Variants in ADAM22 observed in about 807,000 individuals in gnomAD.
The protein encoded by ADAM22 is ADAM metallopeptidase domain 22.
A neutral mutation model predicts 144.6 loss-of-function variants in ADAM22; 65 were observed. The observed-to-expected ratio is 0.45, with a 90% CI of 0.37 to 0.55. ADAM22 has a LOEUF of 0.55. Ranked by LOEUF, ADAM22 falls within the 20% of genes least tolerant of loss-of-function variation. The pLI is 0.00. For synonymous variants in ADAM22, 391 were observed against 412.6 expected (o/e 0.95, Z 0.63); for missense variants, 974 against 1,184.9 (o/e 0.82, Z 2.61).
chr7:87,934,959 G>T, intron 1 of ADAM22, 67 bp from the exon 2 acceptor site: 1 of 1,603,994 alleles, frequency 6.2e-7, no homozygotes, highest in African/African-American at 1.3e-5. Context: ...GGATGGAGGA[G>T]TGAGGGTCAG....
intron 18 of ADAM22, 65 bp downstream of exon 18, chr7:88,149,122 C>A: frequency 1.8e-6 from 2 of 1,081,768 alleles, no homozygotes; most frequent in Non-Finnish European, 1.4e-6. Context: ...AGTGCACTGA[C>A]CCTCAAAGAG....
chr7:88,004,630 A>G (rs1461276965), intron 3 of ADAM22, among the ~76,000 whole-genome samples: 2 of 152,232 alleles, frequency 1.3e-5, no homozygotes, highest in African/African-American at 4.8e-5. Context: ...ACTGAGATTC[A>G]GAAAGAGACA....
chr7:88,145,227 C>G (rs1379091997), intron 16 of ADAM22, 31 bp downstream of exon 16: 1 of 1,610,086 alleles, frequency 6.2e-7, no homozygotes, highest in African/African-American at 1.3e-5. Context: ...ATGATATTTT[C>G]TAGGTAATTC....
At chr7:88,078,669 A>C (rs1298698544) in intron 4 of ADAM22, among the ~76,000 whole-genome samples, 3 of 152,266 alleles carry the variant, frequency 2.0e-5, no homozygotes, top group African/African-American at 2.4e-5. Context: ...GATGGAGCTG[A>C]AAACCATGGC....
chr7:88,133,022 A>C, intron 12 of ADAM22, 71 bp downstream of exon 12: 1 of 1,378,178 alleles, frequency 7.3e-7, no homozygotes, highest in African/African-American at 1.4e-5. Context: ...CTTAAGAGAT[A>C]ATTTCTCAGT....
chr7:88,143,216 G>C, intron 15 of ADAM22, 91 bp downstream of exon 15: 1 of 916,326 alleles, frequency 1.1e-6, no homozygotes, highest in Non-Finnish European at 1.7e-6. Context: ...GAATCTTAGA[G>C]AGCTTTTCAA....
At chr7:87,959,757 T>A (rs1847629890) in intron 2 of ADAM22, among the ~76,000 whole-genome samples, 1 of 152,186 alleles carries the variant, frequency 6.6e-6, no homozygotes, top group South Asian at 2.1e-4. Flanking sequence ...GAGTCTTCTG[T>A]GAAAATTAAG....
chr7:88,157,328 A>G (rs1199301329), intron 22 of ADAM22, among the ~76,000 whole-genome samples: 1 of 152,164 alleles, frequency 6.6e-6, no homozygotes, highest in Admixed American at 6.6e-5. Flanking sequence ...AAAGCAAAGA[A>G]TTCTGGAAGT....
intron 4 of ADAM22, among the ~76,000 whole-genome samples, chr7:88,102,624 T>G (rs143757925): frequency 5.8e-4 from 88 of 152,284 alleles, no homozygotes; most frequent in African/African-American, 2.0e-3. Context: ...ACACGGAGTA[T>G]TTGTTACAAT....
intron 3 of ADAM22, among the ~76,000 whole-genome samples, chr7:87,983,455 T>G (rs1854212637): frequency 6.6e-6 from 1 of 152,126 alleles, no homozygotes; most frequent in African/African-American, 2.4e-5. Flanking sequence ...TTCCATCATA[T>G]TTTATAATTA....
In ADAM22 at chr7:87,986,831, T is replaced by C. The variant is rs886370406; in HGVS notation, c.323+8419T>C. 6.6e-5 allele frequency among the ~76,000 whole-genome samples: 10 copies of C among 152,184 alleles called. No homozygotes were observed. The East Asian group carries it at 7.7e-4, about 12-fold the overall frequency. On this transcript the variant is annotated intron_variant, in intron 3 of 31. Coordinates refer to ENST00000413139, the MANE Select transcript of ADAM22 (RefSeq NM_001324418.2). ...GAATCTGGAGATTTTAGCATACTTA[T>C]GAGCCTGTTATTTAAATTGTAAATA...
At chr7:87,950,507 A>G (rs1381263568) in intron 2 of ADAM22, among the ~76,000 whole-genome samples, 2 of 148,474 alleles carry the variant, frequency 1.3e-5, no homozygotes, top group Non-Finnish European at 3.0e-5. Flanking sequence ...CAGGGTGTAT[A>G]TGTGCCACAT....
At chr7:88,124,662 TA>T (rs1830027182) in intron 7 of ADAM22, among the ~76,000 whole-genome samples, 2 of 151,998 alleles carry the variant, frequency 1.3e-5, no homozygotes, top group African/African-American at 4.8e-5. Flanking sequence ...TAGTTAATTA[TA>T]AAGGAGAACT....
intron 23 of ADAM22, 36 bp from the exon 24 acceptor site, chr7:88,165,796 A>C: frequency 2.1e-6 from 3 of 1,420,232 alleles, no homozygotes; most frequent in Non-Finnish European, 2.9e-6. Context: ...TGTACCAGAG[A>C]GTTGACATTT....
intron 4 of ADAM22, among the ~76,000 whole-genome samples, chr7:88,082,026 C>T (rs1338575390): frequency 6.6e-6 from 1 of 152,066 alleles, no homozygotes; most frequent in African/African-American, 2.4e-5. Flanking sequence ...CCCACATTGC[C>T]ACGTGAATCC....
intron 2 of ADAM22, among the ~76,000 whole-genome samples, chr7:87,942,905 A>G (rs1842753059): frequency 1.3e-5 from 2 of 152,246 alleles, no homozygotes; most frequent in South Asian, 2.1e-4. Flanking sequence ...GAAAAAATAC[A>G]AAGTATCTTT....
rs1318832230 is a variant in ADAM22, at chr7:88,132,885, T to C, written c.1011T>C (p.Ser337=). The C allele has an allele frequency of 1.2e-6, 2 of 1,613,842 alleles. No homozygotes were observed. Among genetic ancestry groups the C allele is most frequent in the East Asian group, 2.2e-5 (1 of 44,852 alleles). The part of the protein sequence containing the change: ...VHLFSGSQFE[S]SRSGAAYIGG... Reference sequence around the variant, plus strand: ...CTAAAAGGGGAAGTCAATTTGAGAGTAGCCGGAGCGGGGCAGCTTATATTG... The same window carrying C: ...CTAAAAGGGGAAGTCAATTTGAGAGCAGCCGGAGCGGGGCAGCTTATATTG... Residue 337 remains serine (S), a synonymous_variant, in exon 12 of 32, where the codon AGT becomes AGC. Coordinates refer to ENST00000413139, the MANE Select transcript of ADAM22 (RefSeq NM_001324418.2).
chr7:87,957,739 T>C (rs1273973916), intron 2 of ADAM22, among the ~76,000 whole-genome samples: 1 of 152,006 alleles, frequency 6.6e-6, no homozygotes, highest in East Asian at 1.9e-4. Flanking sequence ...CGCACTACCA[T>C]GCCTGGCTAA....
intron 4 of ADAM22, among the ~76,000 whole-genome samples, chr7:88,078,091 C>T (rs1298561757): frequency 6.6e-6 from 1 of 152,180 alleles, no homozygotes; most frequent in Non-Finnish European, 1.5e-5. Context: ...GGAGGCACCC[C>T]CCAGTAGGGT....
Sources: gnomAD v4.1 joint callset for allele counts (sites outside exome capture counted in the v4.1 genomes callset) on GRCh38, gnomAD v4.1.1 for gene constraint, MANE v1.5 for transcripts, NCBI Gene and HGNC (gene_info 2026-07-23, HGNC 2026-07-21) for gene names.